RPGRIP1L: variants seen among roughly 807,000 people sequenced by gnomAD.
RPGRIP1L encodes the protein protein fantom.
In RPGRIP1L, 131 loss-of-function variants were observed where a neutral mutation model predicts 160.4. The ratio of observed to expected loss-of-function variants is 0.82; its 90% CI spans 0.71 to 0.94. RPGRIP1L has a LOEUF of 0.94. Among genes scored for constraint, RPGRIP1L ranks in the 40% least tolerant of loss-of-function variants. The pLI is 0.00. For missense variants in RPGRIP1L, 1,522 were observed against 1,535.8 expected (o/e 0.99, Z 0.15); for synonymous variants, 510 against 515.8 (o/e 0.99, Z 0.15).
rs755481580 is a variant in RPGRIP1L, at chr16:53,649,050, C to T, written c.2218G>A (p.Asp740Asn). The T allele has an allele frequency of 1.2e-6, 2 of 1,613,956 alleles. No homozygotes were observed. Among genetic ancestry groups the T allele is most frequent in the Non-Finnish European group, 1.7e-6 (2 of 1,179,872 alleles). Residue 740 changes from aspartate (D) to asparagine (N), a missense_variant, in exon 16 of 27, where the codon GAT becomes AAT. Coordinates refer to ENST00000647211, the MANE Select transcript of RPGRIP1L (RefSeq NM_015272.5). ...TCTCGATAAAGTCGAATTGCTTGAT[C>T]CATGGGAACTCTTAATCGGAACCAG... ...EYWFRLRVPM[D>N]QAIRLYRERA...
At chr16:53,683,892 C>T (rs1307282226) in intron 6 of RPGRIP1L, among the ~76,000 whole-genome samples, 2 of 152,016 alleles carry the variant, frequency 1.3e-5, no homozygotes, top group Non-Finnish European at 1.5e-5. Flanking sequence ...AACAAGCAAT[C>T]CCTATTTAAT....
intron 22 of RPGRIP1L, among the ~76,000 whole-genome samples, chr16:53,627,185 C>T (rs1965243459): frequency 6.6e-6 from 1 of 152,156 alleles, no homozygotes; most frequent in African/African-American, 2.4e-5. Context: ...AATTGTTGGG[C>T]TTCTGAAAAC....
chr16:53,618,121 T>C (rs1243013669), intron 24 of RPGRIP1L, among the ~76,000 whole-genome samples: 2 of 152,200 alleles, frequency 1.3e-5, no homozygotes, highest in Non-Finnish European at 2.9e-5. Flanking sequence ...ATTGGGTCTG[T>C]GCTGGTCCAG....
chr16:53,642,752 G>A (rs1966312543), intron 17 of RPGRIP1L, among the ~76,000 whole-genome samples: 1 of 152,164 alleles, frequency 6.6e-6, no homozygotes, highest in South Asian at 2.1e-4. Flanking sequence ...CCATTTTGGA[G>A]AATTTCTGCC....
chr16:53,647,368 G>C (rs1210822485), intron 16 of RPGRIP1L, among the ~76,000 whole-genome samples: 3 of 152,194 alleles, frequency 2.0e-5, no homozygotes, highest in Non-Finnish European at 4.4e-5. Flanking sequence ...GAAGGCAGTG[G>C]CCTAGAAACC....
chr16:53,657,431 C>T, intron 13 of RPGRIP1L, 22 bp downstream of exon 13: 2 of 1,509,678 alleles, frequency 1.3e-6, no homozygotes, highest in Middle Eastern at 2.0e-4. Context: ...ACTTACTTTC[C>T]CCATTTAGTG....
Position 53,686,438 on chromosome 16 carries a change from A to C in RPGRIP1L, c.771T>G (p.Asp257Glu). 1.2e-6 allele frequency: 2 copies of C among 1,613,074 alleles called. No homozygotes were observed. The highest frequency in any genetic ancestry group is 1.7e-6 in the Non-Finnish European group (2 of 1,179,634). Residue 257 changes from aspartate to glutamate, a missense_variant, in exon 6 of 27, where the codon GAT becomes GAG. Asp to Glu is a conservative substitution (Grantham distance 45). Coordinates refer to ENST00000647211, the MANE Select transcript of RPGRIP1L (RefSeq NM_015272.5). The part of the protein sequence containing the change: ...LLQLREQQAT[D>E]QRSNIRDNVE... ...ATATTTCTGTTTTAACATACCTTTG[A>C]TCTGTAGCTTGCTGTTCTCGAAGCT... is the stretch of plus-strand genomic sequence containing the variant.
At chr16:53,691,311 G>A (rs1415611500) in intron 4 of RPGRIP1L, among the ~76,000 whole-genome samples, 1 of 151,942 alleles carries the variant, frequency 6.6e-6, no homozygotes, top group Admixed American at 6.6e-5. Context: ...TTATAATAAA[G>A]TTTCTCTGTG....
chr16:53,656,211 A>G (rs1180642190), intron 14 of RPGRIP1L, among the ~76,000 whole-genome samples: 4 of 152,150 alleles, frequency 2.6e-5, no homozygotes, highest in Non-Finnish European at 4.4e-5. Flanking sequence ...TGTAATCCCA[A>G]TACTTTGAGA....
At chr16:53,605,017 A>G (rs1221306195) in intron 26 of RPGRIP1L, among the ~76,000 whole-genome samples, 2 of 152,076 alleles carry the variant, frequency 1.3e-5, no homozygotes, top group African/African-American at 4.8e-5. Context: ...GTCTCTATAA[A>G]AAATACCAAA....
At chr16:53,702,505 T>C (rs1971513296) in intron 1 of RPGRIP1L, among the ~76,000 whole-genome samples, 1 of 152,176 alleles carries the variant, frequency 6.6e-6, no homozygotes, top group African/African-American at 2.4e-5. Context: ...CTCACTATGC[T>C]TCACTTACAT....
intron 24 of RPGRIP1L, among the ~76,000 whole-genome samples, chr16:53,613,940 G>A (rs975173051): frequency 2.6e-5 from 4 of 152,182 alleles, no homozygotes; most frequent in Non-Finnish European, 1.5e-5. Context: ...TTTGAATCCA[G>A]CAATGTTAGC....
chr16:53,645,827 T>G lies in RPGRIP1L; in HGVS notation c.2481A>C (p.Thr827=). ...GATCATTGCTACTGGGAATGATAGC[T>G]GTATCATGGTCTGCAAAATCAAAAA... is the stretch of plus-strand genomic sequence containing the variant. The part of the protein sequence containing the change: ...YKFFDFADHD[T]AIIPSSNDPQ... Residue 827 remains threonine (T), a synonymous_variant, in exon 17 of 27, where the codon ACA becomes ACC. Coordinates refer to ENST00000647211, the MANE Select transcript of RPGRIP1L (RefSeq NM_015272.5). 1 of 1,614,124 alleles carries G rather than the reference T, an allele frequency of 6.2e-7. No individual in the cohort carries two copies. Among genetic ancestry groups the G allele is most frequent in the Middle Eastern group, 1.6e-4 (1 of 6,062 alleles).
intron 6 of RPGRIP1L, among the ~76,000 whole-genome samples, chr16:53,685,405 C>A (rs533959034): frequency 6.6e-6 from 1 of 152,086 alleles, no homozygotes; most frequent in Non-Finnish European, 1.5e-5. Context: ...CACATGCACA[C>A]GTATGTTCAT....
At chr16:53,695,750 C>A (rs778346258) in intron 3 of RPGRIP1L, 2 of 350,590 alleles carry the variant, frequency 5.7e-6, no homozygotes, top group South Asian at 4.5e-5. Context: ...ATTAGTAAAC[C>A]CCAAATCTTA....
intron 3 of RPGRIP1L, chr16:53,693,885 G>C (rs1970558995): frequency 6.6e-6 from 1 of 152,184 alleles, no homozygotes; most frequent in African/African-American, 2.4e-5. Context: ...TTCACACAGA[G>C]ATGTAGATTA....
At chr16:53,690,745 A>G (rs970980371) in intron 4 of RPGRIP1L, among the ~76,000 whole-genome samples, 1 of 152,158 alleles carries the variant, frequency 6.6e-6, no homozygotes, top group Non-Finnish European at 1.5e-5. Context: ...GGTAAAATAT[A>G]TTATTGTGGG....
chr16:53,620,364 T>C (rs1472940053), intron 23 of RPGRIP1L, among the ~76,000 whole-genome samples: 1 of 152,158 alleles, frequency 6.6e-6, no homozygotes, highest in Non-Finnish European at 1.5e-5. Context: ...TTTTCTTTTA[T>C]TATGTATTCT....
chr16:53,675,057 G>T lies in RPGRIP1L; in HGVS notation c.842C>A (p.Ala281Asp). 6.2e-7 allele frequency: 1 copy of T among 1,611,028 alleles called. No individual in the cohort carries two copies. The highest frequency in any genetic ancestry group is 8.5e-7 in the Non-Finnish European group (1 of 1,178,450). ...LHKQLVEKSN[A>D]LSAMEGKFIQ... Reference sequence around the variant, plus strand: ...AAATTTTCCTTCCATTGCTGAAAGAGCATTGCTTTTCTCTACTAGCTGTTT... The same window carrying T: ...AAATTTTCCTTCCATTGCTGAAAGATCATTGCTTTTCTCTACTAGCTGTTT... Residue 281 changes from alanine (A) to aspartate (D), a missense_variant, in exon 7 of 27, where the codon GCT (alanine) becomes GAT (aspartate). Coordinates refer to ENST00000647211, the MANE Select transcript of RPGRIP1L (RefSeq NM_015272.5).
Sources: allele counts gnomAD v4.1 joint callset (sites outside exome capture counted in the v4.1 genomes callset), GRCh38; gene constraint gnomAD v4.1.1; transcripts MANE v1.5; gene names NCBI Gene and HGNC (gene_info 2026-07-23, HGNC 2026-07-21).